The following LRRC53 variants were observed in gnomAD, a reference collection of about 807,000 sequenced individuals.
LRRC53 encodes the protein leucine-rich repeat-containing protein 53.
LRRC53 carries 25 observed loss-of-function variants against 13.6 expected under a neutral mutation model. That is an observed-to-expected ratio of 1.83 (90% confidence interval 1.34 to 2.56). The LOEUF (loss-of-function observed/expected upper bound fraction) is 2.56. LRRC53 is among the 30% of genes most tolerant of loss of function. The pLI is 0.00. For missense variants in LRRC53, 527 were observed against 275.8 expected, an observed-to-expected ratio of 1.91 and a Z score of -6.45; for synonymous variants, 204 against 109.8, an observed-to-expected ratio of 1.86 and a Z score of -5.37.
At chr1:74,536,981 G>C in the LRRC53 span, among the ~76,000 whole-genome samples, 2 of 152,146 alleles carry the variant, frequency 1.3e-5, no homozygotes, top group African/African-American at 2.4e-5. Context: ...CCATTGATCA[G>C]GGTCTGGTTT....
chr1:74,480,175 C>G lies in LRRC53; in HGVS notation c.882G>C (p.Leu294=), dbSNP rs1207010779. The part of the protein sequence containing the change: ...SPLLPGPDVA[L]LTVLGFAGAV... ...TACCTGCGAAGCCAAGGACAGTCAG[C>G]AGGGCCACATCTGGTCCTGGGAGGA... The change falls in exon 3 of 5, where the codon CTG becomes CTC. Residue 294 remains leucine, a synonymous_variant. Coordinates refer to ENST00000294635, the MANE Select transcript of LRRC53 (RefSeq NM_001382280.1). 1 of 717,100 alleles carries G rather than the reference C, an allele frequency of 1.4e-6. No individual in the cohort carries two copies. Among genetic ancestry groups the G allele is most frequent in the Non-Finnish European group, 2.6e-6 (1 of 384,934 alleles). 44.4% of individuals were successfully genotyped at this position (717,100 alleles called of 1,614,324 possible).
At chr1:74,482,728 G>A (rs1322936211) in intron 2 of LRRC53, among the ~76,000 whole-genome samples, 1 of 152,152 alleles carries the variant, frequency 6.6e-6, no homozygotes, top group Non-Finnish European at 1.5e-5. Flanking sequence ...TTATTAAATT[G>A]TTGACTTAAG....
intron 2 of LRRC53, among the ~76,000 whole-genome samples, chr1:74,481,641 A>G (rs545422800): frequency 1.3e-5 from 2 of 152,334 alleles, no homozygotes; most frequent in South Asian, 4.1e-4. Flanking sequence ...GAAGTCCATC[A>G]TGTGATGACA....
upstream of LRRC53, among the ~76,000 whole-genome samples, chr1:74,514,095 A>T (rs574873162): frequency 1.3e-5 from 2 of 152,214 alleles, no homozygotes; most frequent in Non-Finnish European, 2.9e-5. Flanking sequence ...AGCCAAATTT[A>T]CCCAGGCACA....
intron 1 of LRRC53, among the ~76,000 whole-genome samples, chr1:74,501,171 T>C (rs2100341181): frequency 6.6e-6 from 1 of 152,330 alleles, no homozygotes; most frequent in East Asian, 1.9e-4. Context: ...TCCCACCCTT[T>C]ACTTTCTCTA....
At chr1:74,476,950 T>G (rs1668236775) in intron 3 of LRRC53, among the ~76,000 whole-genome samples, 1 of 152,170 alleles carries the variant, frequency 6.6e-6, no homozygotes, top group South Asian at 2.1e-4. Context: ...CTCATACCAT[T>G]GTATAGTTTA....
the LRRC53 span, among the ~76,000 whole-genome samples, chr1:74,525,723 C>A: frequency 6.6e-6 from 1 of 152,114 alleles, no homozygotes; most frequent in African/African-American, 2.4e-5. Flanking sequence ...GTGCACAAGG[C>A]CACAGAGAAC....
At chr1:74,510,477 T>C (rs1369927574) in intron 1 of LRRC53, among the ~76,000 whole-genome samples, 5 of 152,112 alleles carry the variant, frequency 3.3e-5, no homozygotes, top group South Asian at 4.1e-4. Context: ...CACTGCACTC[T>C]AGCCTGGGTG....
the LRRC53 span, among the ~76,000 whole-genome samples, chr1:74,529,843 C>G: frequency 5.3e-5 from 8 of 152,310 alleles, no homozygotes; most frequent in African/African-American, 1.9e-4. Context: ...CTGCTTTGCT[C>G]TCTCCCTGGA....
rs188602629 is a variant in LRRC53 at position 74,471,604 on chromosome 1, T to A, written c.2018A>T (p.Lys673Met). ...RQKNQSNQLTKLDVKKFSNTG... is the reference protein window; with the variant it reads ...RQKNQSNQLTMLDVKKFSNTG... ...GTTGCTAAATTTTTTAACATCCAAC[T>A]TAGTCAGTTGGTTACTTTGATTTTT... is the stretch of plus-strand genomic sequence containing the variant. Residue 673 changes from lysine to methionine, a missense_variant, in exon 5 of 5, where the codon AAG (lysine) becomes ATG (methionine). Physicochemically the swap from Lys to Met is moderately conservative, Grantham distance 95 (BLOSUM62 -1). Transcript: ENST00000294635. 1 of 400,822 alleles carries A rather than the reference T, an allele frequency of 2.5e-6. No individual in the cohort carries two copies. The highest frequency in any genetic ancestry group is 4.4e-6 in the Non-Finnish European group (1 of 226,280). 24.8% of individuals were successfully genotyped at this position (400,822 alleles called of 1,614,324 possible). A position where few individuals can be genotyped will look rare whatever the true frequency, so the allele number is the denominator to read the frequency against.
chr1:74,475,915 T>C lies in LRRC53; in HGVS notation c.905-105A>G, dbSNP rs1378833495. 4 of 486,274 alleles carry C rather than the reference T, an allele frequency of 8.2e-6. No homozygotes were observed. The East Asian group carries it at 9.3e-5, about 11-fold the overall frequency. 30.1% of individuals were successfully genotyped at this position (486,274 alleles called of 1,614,324 possible). On this transcript the variant is annotated intron_variant, in intron 3 of 4. Coordinates refer to ENST00000294635, the MANE Select transcript of LRRC53 (RefSeq NM_001382280.1). Reference sequence around the variant, plus strand: ...ATAAAGGTTAATGGCTTGAAAGATATCAGAATGGGTAGGAAGTCCTTCACC... The same window carrying C: ...ATAAAGGTTAATGGCTTGAAAGATACCAGAATGGGTAGGAAGTCCTTCACC...
At chr1:74,502,416 CAAAT>C (rs1348135663) in intron 1 of LRRC53, among the ~76,000 whole-genome samples, 2 of 151,988 alleles carry the variant, frequency 1.3e-5, no homozygotes, top group Non-Finnish European at 2.9e-5. Flanking sequence ...AACAGAAACT[CAAAT>C]AATGTAAGCA....
At chr1:74,530,491 A>G in the LRRC53 span, among the ~76,000 whole-genome samples, 1 of 152,170 alleles carries the variant, frequency 6.6e-6, no homozygotes, top group Non-Finnish European at 1.5e-5. Context: ...CAGGTATGAA[A>G]CAATTTTGTT....
chr1:74,493,159 G>A (rs1669162366), intron 1 of LRRC53, among the ~76,000 whole-genome samples: 1 of 152,114 alleles, frequency 6.6e-6, no homozygotes, highest in Non-Finnish European at 1.5e-5. Flanking sequence ...ATAGCAATAG[G>A]TAAATCTATA....
rs774876959 is a variant in LRRC53, at chr1:74,473,390, TA to T, written c.1421-1190del. Among the ~76,000 whole-genome samples, 4 of 152,112 alleles carry T rather than the reference TA, an allele frequency of 2.6e-5. No individual in the cohort carries two copies. The South Asian group carries it at 8.3e-4, about 31-fold the overall frequency. On this transcript the variant is annotated intron_variant, in intron 4 of 4. Coordinates refer to ENST00000294635, the MANE Select transcript of LRRC53 (RefSeq NM_001382280.1). ...AATGCATCTAAAATTTAAAATTATTTATTAGTATACTTTCTATTGTTTCATG... is the reference window on the plus strand; with the variant it reads ...AATGCATCTAAAATTTAAAATTATTTTTAGTATACTTTCTATTGTTTCATG...
At chr1:74,498,566 A>C (rs1250292928) in intron 1 of LRRC53, among the ~76,000 whole-genome samples, 1 of 152,156 alleles carries the variant, frequency 6.6e-6, no homozygotes, top group Non-Finnish European at 1.5e-5. Context: ...AACTAGGAAA[A>C]TTATTAGTTA....
the LRRC53 span, among the ~76,000 whole-genome samples, chr1:74,534,349 C>T: frequency 6.6e-6 from 1 of 152,168 alleles, no homozygotes; most frequent in Admixed American, 6.6e-5. Flanking sequence ...GGACTGCATA[C>T]CCATCTGAAG....
At chr1:74,500,224 G>T (rs562389675) in intron 1 of LRRC53, among the ~76,000 whole-genome samples, 20 of 151,750 alleles carry the variant, frequency 1.3e-4, no homozygotes, top group African/African-American at 4.6e-4. Context: ...TGATTTCATT[G>T]TTTTATACAA....
chr1:74,531,361 A>T, the LRRC53 span, among the ~76,000 whole-genome samples: 1 of 152,246 alleles, frequency 6.6e-6, no homozygotes, highest in African/African-American at 2.4e-5. Context: ...TAAATTAGCA[A>T]ATGGCCATTC....
Sources: allele counts gnomAD v4.1 joint callset (sites outside exome capture counted in the v4.1 genomes callset), GRCh38; gene constraint gnomAD v4.1.1; transcripts MANE v1.5; gene names NCBI Gene and HGNC (gene_info 2026-07-23, HGNC 2026-07-21).